The following NET1 variants were observed in gnomAD, a reference collection of about 807,000 sequenced individuals.
The protein encoded by NET1 is neuroepithelial cell transforming 1.
Under a neutral mutation model 61.1 loss-of-function variants are expected in NET1, and 42 were observed. The ratio of observed to expected loss-of-function variants is 0.69; its 90% confidence interval spans 0.54 to 0.89. The LOEUF is 0.89. NET1 is among the 40% of genes least tolerant of loss of function. The pLI, the probability that NET1 is intolerant of heterozygous loss-of-function variation, is 0.00. For synonymous variants in NET1, 254 were observed against 281.8 expected (o/e 0.90, Z 0.99); for missense variants, 654 against 747.3 (o/e 0.88, Z 1.46).
rs985797485 is a variant in NET1, at chr10:5,415,405, T to C, written c.128+2585T>C. 1.8e-4 allele frequency among the ~76,000 whole-genome samples: 28 copies of C among 151,794 alleles called. No homozygotes were observed. Among genetic ancestry groups the C allele is most frequent in the African/African-American group, 6.5e-4 (27 of 41,360 alleles). On this transcript the variant is annotated intron_variant, in intron 1 of 11. Transcript: ENST00000355029. This position sits in a 1 kb window ranked among gnomAD's most constrained non-coding sequence, Gnocchi z 4.7. ...ATTGCATATGAATGGATTTATGTAA[T>C]GTGTGTGGCCATTTTTGGTGGGCCA...
In NET1 at chr10:5,424,517, A is replaced by G. The variant is rs188352879; in HGVS notation, c.129-2138A>G. Among the ~76,000 whole-genome samples, 6 of 152,180 alleles carry G rather than the reference A, an allele frequency of 3.9e-5. No homozygotes were observed. The highest frequency in any genetic ancestry group is 2.6e-4 in the Admixed American group (4 of 15,288). On this transcript the variant is annotated intron_variant, in intron 1 of 11. Transcript: ENST00000355029. This position sits in a 1 kb window ranked among gnomAD's most constrained non-coding sequence, Gnocchi z 6.1. Reference sequence around the variant, plus strand: ...TACTTTGTTCCAGGGTTTTCTCAAGAAAAAAATACCATTTTCTTTGTTGAT... The same window carrying G: ...TACTTTGTTCCAGGGTTTTCTCAAGGAAAAAATACCATTTTCTTTGTTGAT...
rs141494142 is a variant in NET1, at chr10:5,442,661, A to G, written c.256-9169A>G. ...TGTAATTCCAGCACTTTGGGAGGCC[A>G]AGGCAGGCAGATCACTTGAGACCAG... On this transcript the variant is annotated intron_variant, in intron 3 of 11. Transcript: ENST00000355029. Among the ~76,000 whole-genome samples the G allele has an allele frequency of 6.5e-3, 988 of 152,264 alleles. 36 individuals carry two copies. In the East Asian group the frequency reaches 0.11, roughly 16 times the overall value.
Position 5,451,910 on chromosome 10 carries a change from T to A in NET1, c.336T>A (p.Ala112=). The A allele has an allele frequency of 6.2e-7, 1 of 1,613,952 alleles. No individual in the cohort carries two copies. Among genetic ancestry groups the A allele is most frequent in the Non-Finnish European group, 8.5e-7 (1 of 1,179,910 alleles). ...TAATCTCTCCTGTAAGAAATGGAGC[T>A]GTCAGACGTTTTGGTCAAACAATAC... ...ANLISPVRNG[A]VRRFGQTIQS... The change falls in exon 4 of 12, where the codon GCT becomes GCA. Residue 112 remains alanine, a synonymous_variant. Transcript: ENST00000355029. The surrounding 1 kb of genome is among the most constrained non-coding windows in gnomAD (Gnocchi z 6.1).
chr10:5,436,948 G>T (rs1832447055), intron 3 of NET1, among the ~76,000 whole-genome samples: 1 of 152,200 alleles, frequency 6.6e-6, no homozygotes, highest in Non-Finnish European at 1.5e-5. Flanking sequence ...TTCAGGTGTT[G>T]ATATAAGAAA....
rs1832173848 is a variant in NET1, at chr10:5,421,531, A to G, written c.129-5124A>G. The stretch of plus-strand genomic sequence containing the variant: ...AGGTATAGCCTTAAATCAATTCTTG[A>G]CAACCCAGGATCTTTATTATTAGTA... On this transcript the variant is annotated intron_variant, in intron 1 of 11. Coordinates refer to ENST00000355029, the MANE Select transcript of NET1 (RefSeq NM_001047160.3). This position sits in a 1 kb window ranked among gnomAD's most constrained non-coding sequence, Gnocchi z 4.2. 6.6e-6 allele frequency among the ~76,000 whole-genome samples: 1 copy of G among 152,234 alleles called. No individual in the cohort carries two copies. Among genetic ancestry groups the G allele is most frequent in the Non-Finnish European group, 1.5e-5 (1 of 68,042 alleles).
At chr10:5,450,816 C>T (rs542904699) in intron 3 of NET1, among the ~76,000 whole-genome samples, 33 of 152,092 alleles carry the variant, frequency 2.2e-4, no homozygotes, top group African/African-American at 7.0e-4. Flanking sequence ...ATTTTTCTAG[C>T]GATAAAATTA....
In NET1 at chr10:5,455,782, A is replaced by G. The variant is rs1459209195; in HGVS notation, c.1198-305A>G. On this transcript the variant is annotated intron_variant, in intron 10 of 11. Coordinates refer to ENST00000355029, the MANE Select transcript of NET1 (RefSeq NM_001047160.3). This position sits in a 1 kb window ranked among gnomAD's most constrained non-coding sequence, Gnocchi z 6.5. ...TTAGAAAACTGTGGTATACAACGCT[A>G]GTGTTTCAAGTCATGTTGCTACTAA... Among the ~76,000 whole-genome samples, 2 of 152,232 alleles carry G rather than the reference A, an allele frequency of 1.3e-5. No individual in the cohort carries two copies. Among genetic ancestry groups the G allele is most frequent in the Non-Finnish European group, 2.9e-5 (2 of 68,042 alleles).
Position 5,440,571 on chromosome 10 carries a change from A to G in NET1, c.256-11259A>G, listed in dbSNP as rs1049661615. ...CGTAACTCTGATGGCTGATCTCTGC[A>G]TTTTCTCCTGGTGTGCAATACTGCT... On this transcript the variant is annotated intron_variant, in intron 3 of 11. Transcript: ENST00000355029. The surrounding 1 kb of genome is among the most constrained non-coding windows in gnomAD (Gnocchi z 4.1). 2.6e-5 allele frequency among the ~76,000 whole-genome samples: 4 copies of G among 152,094 alleles called. No individual in the cohort carries two copies. The highest frequency in any genetic ancestry group is 2.6e-4 in the Admixed American group (4 of 15,268).
In NET1 at chr10:5,423,027, A is replaced by AT. The variant is rs1832202761; in HGVS notation, c.129-3622dup. Among the ~76,000 whole-genome samples, 1 of 152,140 alleles carries AT rather than the reference A, an allele frequency of 6.6e-6. No individual in the cohort carries two copies. The highest frequency in any genetic ancestry group is 6.5e-5 in the Admixed American group (1 of 15,284). On this transcript the variant is annotated intron_variant, in intron 1 of 11. Transcript: ENST00000355029. This position sits in a 1 kb window ranked among gnomAD's most constrained non-coding sequence, Gnocchi z 4.4. ...TATATGTTTGGCATTTACAGATTAC[A>AT]TTTTTTATTTAATTGGAAAAAATGT...
intron 2 of NET1, among the ~76,000 whole-genome samples, chr10:5,428,038 C>CTTTTTT (rs57698527): frequency 4.4e-5 from 5 of 113,896 alleles, no homozygotes; most frequent in African/African-American, 1.7e-4. Context: ...TTTGCCGTTC[C>CTTTTTT]TTTTTTTTTT....
chr10:5,443,319 T>C lies in NET1; in HGVS notation c.256-8511T>C, dbSNP rs1832554120. On this transcript the variant is annotated intron_variant, in intron 3 of 11. Coordinates refer to ENST00000355029, the MANE Select transcript of NET1 (RefSeq NM_001047160.3). This position sits in a 1 kb window ranked among gnomAD's most constrained non-coding sequence, Gnocchi z 4.8. ...CCTTCTCTAAAATTGAGATAATAAG[T>C]ACTTCATAGAGTTGATTAAGATAAC... Among the ~76,000 whole-genome samples the C allele has an allele frequency of 6.6e-6, 1 of 152,238 alleles. No individual in the cohort carries two copies. Among genetic ancestry groups the C allele is most frequent in the South Asian group, 2.1e-4 (1 of 4,834 alleles).
At position 5,420,890 on chromosome 10, in the gene NET1, G is replaced by A. The variant is rs535009310; in HGVS notation, c.129-5765G>A. ...ATTACAAGTATGAGTCACTGTGCCCGGCCAGCAAGGGTCTTTCTAAAGAAC... is the reference window on the plus strand; with the variant it reads ...ATTACAAGTATGAGTCACTGTGCCCAGCCAGCAAGGGTCTTTCTAAAGAAC... On this transcript the variant is annotated intron_variant, in intron 1 of 11. Coordinates refer to ENST00000355029, the MANE Select transcript of NET1 (RefSeq NM_001047160.3). The surrounding 1 kb of genome is among the most constrained non-coding windows in gnomAD (Gnocchi z 5.3). Among the ~76,000 whole-genome samples the A allele has an allele frequency of 2.0e-5, 3 of 151,992 alleles. No homozygotes were observed. Among genetic ancestry groups the A allele is most frequent in the African/African-American group, 7.3e-5 (3 of 41,366 alleles).
rs1299899477 is a variant in NET1 at position 5,447,828 on chromosome 10, T to A, written c.256-4002T>A. Among the ~76,000 whole-genome samples the A allele has an allele frequency of 6.6e-6, 1 of 152,188 alleles. No individual in the cohort carries two copies. The highest frequency in any genetic ancestry group is 1.5e-5 in the Non-Finnish European group (1 of 68,032). The stretch of plus-strand genomic sequence containing the variant: ...TCGGTTTTCTCAAAATGTGTAAGTA[T>A]TTCCTTTGAGTAGAGCAGTCATCCA... On this transcript the variant is annotated intron_variant, in intron 3 of 11. Coordinates refer to ENST00000355029, the MANE Select transcript of NET1 (RefSeq NM_001047160.3). The surrounding 1 kb of genome is among the most constrained non-coding windows in gnomAD (Gnocchi z 4.1).
Position 5,427,725 on chromosome 10 carries a change from C to T in NET1, c.195+1004C>T, listed in dbSNP as rs893135469. Among the ~76,000 whole-genome samples, 8 of 152,162 alleles carry T rather than the reference C, an allele frequency of 5.3e-5. No homozygotes were observed. Among genetic ancestry groups the T allele is most frequent in the South Asian group, 4.1e-4 (2 of 4,830 alleles). ...AGATCATTTTCCTAATGTCTTTTAG[C>T]TCAATTCAAAACAGTGTGTTATAAT... On this transcript the variant is annotated intron_variant, in intron 2 of 11. Transcript: ENST00000355029. The surrounding 1 kb of genome is among the most constrained non-coding windows in gnomAD (Gnocchi z 4.1).
In NET1 at chr10:5,458,434, C is replaced by T. The variant is rs1832845836; in HGVS notation, c.*1440C>T. ...GATTTCTCTGTACAAATGAATGATACTATTAAAAAAAAAAAAAGCACACAC... is the reference window on the plus strand; with the variant it reads ...GATTTCTCTGTACAAATGAATGATATTATTAAAAAAAAAAAAAGCACACAC... On this transcript the variant is annotated 3_prime_UTR_variant, in exon 12 of 12. Transcript: ENST00000355029. The surrounding 1 kb of genome is among the most constrained non-coding windows in gnomAD (Gnocchi z 4.5). 1 of 149,882 alleles carries T rather than the reference C, an allele frequency of 6.7e-6. No homozygotes were observed. Among genetic ancestry groups the T allele is most frequent in the Non-Finnish European group, 1.5e-5 (1 of 67,576 alleles). 9.3% of individuals were successfully genotyped at this position (149,882 alleles called of 1,614,324 possible). A position where few individuals can be genotyped will look rare whatever the true frequency, so the allele number is the denominator to read the frequency against.
rs1234699252 is a variant in NET1 at position 5,444,350 on chromosome 10, A to G, written c.256-7480A>G. Among the ~76,000 whole-genome samples, 3 of 152,360 alleles carry G rather than the reference A, an allele frequency of 2.0e-5. No homozygotes were observed. The East Asian group carries it at 5.8e-4, about 29-fold the overall frequency. On this transcript the variant is annotated intron_variant, in intron 3 of 11. Coordinates refer to ENST00000355029, the MANE Select transcript of NET1 (RefSeq NM_001047160.3). This position sits in a 1 kb window ranked among gnomAD's most constrained non-coding sequence, Gnocchi z 5.3. ...GGCAGTGGTGGTCCTTCCTGCAAGA[A>G]GTAGCAACTCTCCTGCAAACCTTAG...
rs1747616430 is a variant in NET1, at chr10:5,437,295, A to G, written c.255+8066A>G. ...TATATGATTATCCTGTATATATGCT[A>G]TAGCTTGCTTTTTTTAATTTATGTT... is the stretch of plus-strand genomic sequence containing the variant. On this transcript the variant is annotated intron_variant, in intron 3 of 11. Transcript: ENST00000355029. The surrounding 1 kb of genome is among the most constrained non-coding windows in gnomAD (Gnocchi z 4.3). 6.6e-6 allele frequency among the ~76,000 whole-genome samples: 1 copy of G among 152,274 alleles called. No individual in the cohort carries two copies. The highest frequency in any genetic ancestry group is 2.1e-4 in the South Asian group (1 of 4,828).
chr10:5,453,514 A>G lies in NET1; in HGVS notation c.722A>G (p.Lys241Arg), dbSNP rs1832742649. 1 of 1,614,198 alleles carries G rather than the reference A, an allele frequency of 6.2e-7. No homozygotes were observed. Among genetic ancestry groups the G allele is most frequent in the Non-Finnish European group, 8.5e-7 (1 of 1,180,032 alleles). ...TTGACAAGAATAGGAGAAGCAACCA[A>G]GCCTGATGGAACAGTGGAGCAGATT... ...DLLTRIGEAT[K>R]PDGTVEQIGH... The change falls in exon 8 of 12, where the codon AAG becomes AGG. Residue 241 changes from lysine to arginine, a missense_variant. By Grantham distance (26) the Lys-to-Arg change is conservative. Transcript: ENST00000355029. The surrounding 1 kb of genome is among the most constrained non-coding windows in gnomAD (Gnocchi z 4.9).
chr10:5,430,481 T>A (rs1306310996), intron 3 of NET1, among the ~76,000 whole-genome samples: 1 of 151,762 alleles, frequency 6.6e-6, no homozygotes, highest in Non-Finnish European at 1.5e-5. Context: ...TTCAAGAGAT[T>A]CTCTTGCCTC....
Sources: gnomAD v4.1 joint callset for allele counts (sites outside exome capture counted in the v4.1 genomes callset) on GRCh38, gnomAD v4.1.1 for gene constraint, Gnocchi (gnomAD v3.1) non-coding constraint, MANE v1.5 for transcripts, NCBI Gene and HGNC (gene_info 2026-07-23, HGNC 2026-07-21) for gene names.